AP1G1: variants seen among roughly 807,000 people sequenced by gnomAD.
The protein encoded by AP1G1 is adaptor related protein complex 1 subunit gamma 1.
Under a neutral mutation model 108.3 loss-of-function variants are expected in AP1G1, and 7 were observed. The ratio of observed to expected loss-of-function variants is 0.06; its 90% confidence interval spans 0.04 to 0.12. AP1G1 has a LOEUF of 0.12. AP1G1 is among the 10% of genes least tolerant of loss of function. AP1G1 has a pLI of 1.00. For missense variants in AP1G1, 756 were observed against 1,010.7 expected (o/e 0.75, Z 3.42); for synonymous variants, 379 against 353.5 (o/e 1.07, Z -0.81).
intron 1 of AP1G1, among the ~76,000 whole-genome samples, chr16:71,791,444 A>T (rs1239997002): frequency 6.6e-6 from 1 of 152,130 alleles, no homozygotes; most frequent in Non-Finnish European, 1.5e-5. Context: ...GGCATATTTA[A>T]CCACTCAAGT....
rs574315342 is a variant in AP1G1 at position 71,768,558 on chromosome 16, G to A, written c.642+1065C>T. Among the ~76,000 whole-genome samples the A allele has an allele frequency of 2.7e-5, 4 of 147,882 alleles. No homozygotes were observed. In the South Asian group the frequency reaches 8.6e-4, roughly 32 times the overall value. On this transcript the variant is annotated intron_variant, in intron 6 of 22. Transcript: ENST00000299980. ...GAGAACTAAGACTTCCATCACAGGAGTCAATGTCCTAAAACGAACAGTAGA... is the reference window on the plus strand; with the variant it reads ...GAGAACTAAGACTTCCATCACAGGAATCAATGTCCTAAAACGAACAGTAGA...
At chr16:71,784,137 C>T (rs943035606) in intron 2 of AP1G1, among the ~76,000 whole-genome samples, 2 of 152,120 alleles carry the variant, frequency 1.3e-5, no homozygotes, top group South Asian at 2.1e-4. Flanking sequence ...AAAACATTGC[C>T]GTCCTTTAGG....
chr16:71,793,457 T>C (rs1291602119), intron 1 of AP1G1, among the ~76,000 whole-genome samples: 2 of 151,830 alleles, frequency 1.3e-5, no homozygotes, highest in Non-Finnish European at 2.9e-5. Flanking sequence ...AGAAACTGCT[T>C]TAGAAAAGGG....
intron 2 of AP1G1, among the ~76,000 whole-genome samples, chr16:71,782,076 C>T (rs528019455): frequency 7.2e-5 from 11 of 152,294 alleles, no homozygotes; most frequent in African/African-American, 2.4e-4. Context: ...TGGACTACAG[C>T]TCTAAGAAGA....
intron 4 of AP1G1, 88 bp downstream of exon 4, chr16:71,773,130 TATC>T (rs1219919031): frequency 2.1e-6 from 3 of 1,407,150 alleles, no homozygotes; most frequent in Non-Finnish European, 3.0e-6. Context: ...GACTTTACAT[TATC>T]ATCAGATCTT....
At chr16:71,773,549 C>G (rs1440852573) in intron 3 of AP1G1, among the ~76,000 whole-genome samples, 187 bp from the exon 4 acceptor site, 1 of 152,156 alleles carries the variant, frequency 6.6e-6, no homozygotes, top group Non-Finnish European at 1.5e-5. Context: ...CTGACAGTCC[C>G]TCCTATAGGC....
intron 2 of AP1G1, among the ~76,000 whole-genome samples, chr16:71,786,710 C>T (rs1185999511): frequency 2.0e-5 from 3 of 152,194 alleles, no homozygotes; most frequent in South Asian, 2.1e-4. Flanking sequence ...CCACCCACCT[C>T]GGCCTCCCAA....
chr16:71,761,685 A>G, intron 9 of AP1G1, 118 bp from the exon 10 acceptor site: 2 of 749,516 alleles, frequency 2.7e-6, no homozygotes, highest in Middle Eastern at 3.2e-4. Context: ...AAAAAAAAAA[A>G]GGAGCTGGGT....
chr16:71,740,587 T>G (rs148070366), intron 19 of AP1G1, among the ~76,000 whole-genome samples: 1 of 152,162 alleles, frequency 6.6e-6, no homozygotes, highest in Non-Finnish European at 1.5e-5. Flanking sequence ...GTGAATTCAC[T>G]AGAAATACAC....
intron 2 of AP1G1, among the ~76,000 whole-genome samples, chr16:71,783,016 C>A (rs956641593): frequency 6.6e-6 from 1 of 152,216 alleles, no homozygotes; most frequent in South Asian, 2.1e-4. Flanking sequence ...AAGGATAGCT[C>A]ATTGCTTCTG....
chr16:71,796,111 C>T (rs529880322), intron 1 of AP1G1, among the ~76,000 whole-genome samples: 2 of 152,074 alleles, frequency 1.3e-5, no homozygotes, highest in African/African-American at 2.4e-5. Flanking sequence ...GTGGCGCATG[C>T]GTCTGTAGTC....
At chr16:71,738,467 A>G (rs935265835) in intron 21 of AP1G1, among the ~76,000 whole-genome samples, 1 of 152,220 alleles carries the variant, frequency 6.6e-6, no homozygotes, top group South Asian at 2.1e-4. Flanking sequence ...AATAAATTGG[A>G]TGTTAACGAA....
At chr16:71,733,456 T>C (rs1444797101) in intron 22 of AP1G1, among the ~76,000 whole-genome samples, 1 of 35,348 alleles carries the variant, frequency 2.8e-5, no homozygotes, top group Non-Finnish European at 5.6e-5. Context: ...TTCTTTTCTT[T>C]TGAAACAGGG....
chr16:71,744,010 C>T (rs750310355), intron 19 of AP1G1, among the ~76,000 whole-genome samples: 6 of 150,708 alleles, frequency 4.0e-5, no homozygotes, highest in East Asian at 2.0e-4. Flanking sequence ...TTTGGGAGGC[C>T]GAGGCAGGGG....
chr16:71,762,567 C>T (rs2031139210), intron 9 of AP1G1, among the ~76,000 whole-genome samples: 1 of 152,146 alleles, frequency 6.6e-6, no homozygotes, highest in African/African-American at 2.4e-5. Flanking sequence ...TCAATCATGT[C>T]TGTGTAATGA....
Position 71,769,706 on chromosome 16 carries a change from G to C in AP1G1, c.566-7C>G. On this transcript the variant is annotated splice_region_variant and splice_polypyrimidine_tract_variant and intron_variant, in intron 5 of 22. Coordinates refer to ENST00000299980, the MANE Select transcript of AP1G1 (RefSeq NM_001128.6). ...ACAGATGTGTGGAGGACACCTGAAA[G>C]AAAAGATCAAAGGAAAACTAAAAAT... 6.2e-7 allele frequency: 1 copy of C among 1,611,084 alleles called. No individual in the cohort carries two copies. Among genetic ancestry groups the C allele is most frequent in the Non-Finnish European group, 8.5e-7 (1 of 1,177,812 alleles).
chr16:71,735,695 A>C (rs2045526473), intron 21 of AP1G1, among the ~76,000 whole-genome samples: 1 of 152,096 alleles, frequency 6.6e-6, no homozygotes. Context: ...AAGCTAGGTA[A>C]ACCATACTGT....
intron 9 of AP1G1, among the ~76,000 whole-genome samples, chr16:71,761,979 A>G (rs961844372): frequency 1.3e-5 from 2 of 152,156 alleles, no homozygotes; most frequent in Non-Finnish European, 2.9e-5. Context: ...GGCAATAACT[A>G]TATTTAAAAT....
intron 1 of AP1G1, among the ~76,000 whole-genome samples, chr16:71,800,666 T>C (rs1031658682): frequency 1.3e-5 from 2 of 151,626 alleles, no homozygotes; most frequent in Admixed American, 6.6e-5. Context: ...CCAGGCGTGG[T>C]GGTGGGTGCC....
Sources: allele counts gnomAD v4.1 joint callset (sites outside exome capture counted in the v4.1 genomes callset), GRCh38; gene constraint gnomAD v4.1.1; transcripts MANE v1.5; gene names NCBI Gene and HGNC (gene_info 2026-07-23, HGNC 2026-07-21).